Variants in MYCBP2 observed in about 807,000 individuals in gnomAD.
MYCBP2 encodes the protein MYC binding protein 2, also known as E3 ubiquitin-protein ligase MYCBP2.
In MYCBP2, 120 loss-of-function variants were observed where a neutral mutation model predicts 525.3. The observed-to-expected ratio is 0.23, with a 90% CI of 0.20 to 0.27. The LOEUF is 0.27. MYCBP2 is among the 10% of genes least tolerant of loss of function. MYCBP2 has a pLI of 1.00. For synonymous variants in MYCBP2, 1,894 were observed against 1,955.8 expected, an observed-to-expected ratio of 0.97 and a Z score of 0.83; for missense variants, 4,149 against 5,657.1, an observed-to-expected ratio of 0.73 and a Z score of 8.55.
At chr13:77,180,054 T>C in intron 34 of MYCBP2, 73 bp downstream of exon 34, 4 of 1,273,418 alleles carry the variant, frequency 3.1e-6, no homozygotes, top group Non-Finnish European at 4.3e-6. Context: ...AAAGCCAAAA[T>C]AGTTGAAAAA....
At chr13:77,045,557 C>A in intron 82 of MYCBP2, 64 bp from the exon 83 acceptor site, 2 of 958,542 alleles carry the variant, frequency 2.1e-6, no homozygotes, top group Non-Finnish European at 3.3e-6. Context: ...ATAAACCTCA[C>A]AGAAATATAA....
intron 68 of MYCBP2, among the ~76,000 whole-genome samples, chr13:77,071,272 C>CACAT (rs1491115903): frequency 1.3e-3 from 10 of 7,556 alleles, no homozygotes; most frequent in African/African-American, 2.6e-3. Flanking sequence ...TGTGCACACG[C>CACAT]ACACACACAC....
chr13:77,242,394 G>A (rs1338969365), intron 17 of MYCBP2, among the ~76,000 whole-genome samples: 4 of 152,194 alleles, frequency 2.6e-5, no homozygotes, highest in Non-Finnish European at 5.9e-5. Flanking sequence ...GATTACAGGC[G>A]TGAGCCACCG....
At chr13:77,286,789 AATATATATATATATATATAT>A (rs1197559343) in intron 3 of MYCBP2, among the ~76,000 whole-genome samples, 2 of 42,290 alleles carry the variant, frequency 4.7e-5, no homozygotes, top group East Asian at 8.5e-4. Flanking sequence ...AAAAAAAAAA[AATATATATATATATATATAT>A]ATATATATAG....
chr13:77,068,926 G>T, intron 69 of MYCBP2, 95 bp from the exon 70 acceptor site: 1 of 1,208,188 alleles, frequency 8.3e-7, no homozygotes, highest in Non-Finnish European at 1.2e-6. Flanking sequence ...AGACAAGAAT[G>T]TAAATTGATA....
intron 69 of MYCBP2, 31 bp from the exon 70 acceptor site, chr13:77,068,862 A>C (rs764561476): frequency 1.2e-6 from 2 of 1,602,218 alleles, no homozygotes; most frequent in Non-Finnish European, 1.7e-6. Flanking sequence ...ACATGTAAAA[A>C]TATAGGGTTA....
intron 55 of MYCBP2, among the ~76,000 whole-genome samples, chr13:77,109,310 C>T (rs969327246): frequency 6.6e-6 from 1 of 152,266 alleles, no homozygotes; most frequent in Middle Eastern, 3.4e-3. Flanking sequence ...GAGCTCTCAA[C>T]CTAGATCCCT....
chr13:77,115,906 T>C (rs937191038), intron 55 of MYCBP2, among the ~76,000 whole-genome samples: 1 of 151,668 alleles, frequency 6.6e-6, no homozygotes, highest in Non-Finnish European at 1.5e-5. Flanking sequence ...GCTAATACTC[T>C]AGATGCCAGA....
chr13:77,166,612 A>G, intron 40 of MYCBP2, 58 bp from the exon 41 acceptor site: 2 of 1,170,364 alleles, frequency 1.7e-6, no homozygotes, highest in Non-Finnish European at 2.5e-6. Context: ...AAACATACAC[A>G]TCTGCATCTG....
chr13:77,170,663 G>A (rs915741458), intron 38 of MYCBP2, among the ~76,000 whole-genome samples: 4 of 149,946 alleles, frequency 2.7e-5, no homozygotes, highest in Non-Finnish European at 5.9e-5. Context: ...TGCAGCCTCC[G>A]CCTCCTGGGT....
At chr13:77,104,219 TAAC>T (rs1555335643) in intron 55 of MYCBP2, among the ~76,000 whole-genome samples, 15 of 152,110 alleles carry the variant, frequency 9.9e-5, no homozygotes, top group Non-Finnish European at 1.5e-5. Context: ...AAACTAGACA[TAAC>T]ACACACTTTT....
intron 30 of MYCBP2, 101 bp from the exon 31 acceptor site, chr13:77,186,164 T>C: frequency 2.4e-6 from 2 of 840,660 alleles, no homozygotes; most frequent in Non-Finnish European, 3.4e-6. Flanking sequence ...AACTTTCTTT[T>C]GAATTTTTTT....
intron 52 of MYCBP2, among the ~76,000 whole-genome samples, chr13:77,131,869 C>A (rs190621287): frequency 3.4e-4 from 51 of 152,010 alleles, no homozygotes; most frequent in Non-Finnish European, 4.4e-5. Context: ...TCTTTCATGG[C>A]GTAGAAAAGA....
At chr13:77,110,905 C>A (rs2048709780) in intron 55 of MYCBP2, among the ~76,000 whole-genome samples, 1 of 152,140 alleles carries the variant, frequency 6.6e-6, no homozygotes, top group Admixed American at 6.5e-5. Context: ...ACTTCTTAGG[C>A]CCCTAGAACA....
rs754426524 is a variant in MYCBP2, at chr13:77,064,602, A to C, written c.12672+13T>G. On this transcript the variant is annotated intron_variant, in intron 73 of 82. Coordinates refer to ENST00000544440, the MANE Select transcript of MYCBP2 (RefSeq NM_015057.5). Reference sequence around the variant, plus strand: ...ACCAAATTTAAAACAAAACAAAACAAAGCAAAACCTACTCTAGTTGTTGCA... The same window carrying C: ...ACCAAATTTAAAACAAAACAAAACACAGCAAAACCTACTCTAGTTGTTGCA... The C allele has an allele frequency of 6.3e-7, 1 of 1,594,550 alleles. No homozygotes were observed. Among genetic ancestry groups the C allele is most frequent in the Non-Finnish European group, 8.6e-7 (1 of 1,169,386 alleles).
chr13:77,287,702 A>G (rs2077031231), intron 3 of MYCBP2, among the ~76,000 whole-genome samples: 2 of 152,172 alleles, frequency 1.3e-5, no homozygotes, highest in South Asian at 4.2e-4. Flanking sequence ...GAGGCTTTGT[A>G]GTTCTATTTC....
chr13:77,164,629 A>C, intron 42 of MYCBP2, 88 bp from the exon 43 acceptor site: 1 of 828,642 alleles, frequency 1.2e-6, no homozygotes, highest in Admixed American at 1.9e-5. Context: ...TTCAAGCATT[A>C]CTTTTGAAAT....
intron 17 of MYCBP2, among the ~76,000 whole-genome samples, chr13:77,238,651 AT>A (rs2068339380): frequency 6.6e-6 from 1 of 152,264 alleles, no homozygotes; most frequent in African/African-American, 2.4e-5. Flanking sequence ...AATTAAAAAA[AT>A]TAACTAGACT....
intron 66 of MYCBP2, 67 bp from the exon 67 acceptor site, chr13:77,077,454 AG>A: frequency 6.4e-7 from 1 of 1,571,408 alleles, no homozygotes; most frequent in Non-Finnish European, 8.7e-7. Flanking sequence ...TGCTGGACTT[AG>A]CATTGATACC....
Sources: gnomAD v4.1 joint callset for allele counts (sites outside exome capture counted in the v4.1 genomes callset) on GRCh38, gnomAD v4.1.1 for gene constraint, MANE v1.5 for transcripts, NCBI Gene and HGNC (gene_info 2026-07-23, HGNC 2026-07-21) for gene names.